Variants in EPHA6 observed in about 807,000 individuals in gnomAD.
EPHA6 encodes the protein EPH receptor A6.
In EPHA6, 50 loss-of-function variants were observed where a neutral mutation model predicts 112.0. The ratio of observed to expected loss-of-function variants is 0.45; its 90% CI spans 0.36 to 0.56. The LOEUF is 0.56. EPHA6 is among the 20% of genes least tolerant of loss of function. The pLI is 0.00. For synonymous variants in EPHA6, 529 were observed against 490.7 expected (o/e 1.08, Z -1.03); for missense variants, 1,280 against 1,417.4 (o/e 0.90, Z 1.56).
At chr3:97,616,749 A>G (rs182552539) in intron 13 of EPHA6, among the ~76,000 whole-genome samples, 11 of 152,206 alleles carry the variant, frequency 7.2e-5, no homozygotes, top group Non-Finnish European at 1.5e-4. Flanking sequence ...ATGAAAATGA[A>G]TAAACAAAAC....
intron 2 of EPHA6, among the ~76,000 whole-genome samples, chr3:96,930,297 C>G (rs540667793): frequency 6.6e-6 from 1 of 152,194 alleles, no homozygotes; most frequent in East Asian, 1.9e-4. Context: ...AAGGGGCACT[C>G]TATATTTTTG....
At chr3:97,242,356 C>T (rs935937093) in intron 4 of EPHA6, among the ~76,000 whole-genome samples, 1 of 151,792 alleles carries the variant, frequency 6.6e-6, no homozygotes, top group African/African-American at 2.4e-5. Context: ...ACAAGAATGG[C>T]ATACTTTCTA....
chr3:96,864,769 G>A (rs577691537), intron 1 of EPHA6, among the ~76,000 whole-genome samples: 3 of 152,094 alleles, frequency 2.0e-5, no homozygotes, highest in African/African-American at 7.2e-5. Context: ...AAACAGGAAT[G>A]CCAACTAACT....
intron 4 of EPHA6, among the ~76,000 whole-genome samples, chr3:97,237,078 G>A (rs1380698984): frequency 1.3e-5 from 2 of 151,870 alleles, no homozygotes; most frequent in Admixed American, 6.6e-5. Flanking sequence ...CAAAAGGACA[G>A]CTGATTGTTT....
At chr3:96,968,140 T>C (rs557533080) in intron 2 of EPHA6, among the ~76,000 whole-genome samples, 5 of 151,966 alleles carry the variant, frequency 3.3e-5, no homozygotes, top group African/African-American at 1.2e-4. Context: ...ACTTATAAAC[T>C]ATTACACTTA....
intron 14 of EPHA6, among the ~76,000 whole-genome samples, chr3:97,689,835 A>G (rs2032534001): frequency 6.6e-6 from 1 of 152,090 alleles, no homozygotes; most frequent in African/African-American, 2.4e-5. Flanking sequence ...CTAGGCAACT[A>G]CAAATCTTTC....
intron 2 of EPHA6, among the ~76,000 whole-genome samples, chr3:96,887,174 A>G (rs930144557): frequency 2.6e-5 from 4 of 152,032 alleles, no homozygotes; most frequent in East Asian, 1.9e-4. Context: ...TTGTTTCTTC[A>G]TATTACTAGG....
chr3:97,601,279 T>C lies in EPHA6; in HGVS notation c.2512+8542T>C, dbSNP rs138031254. On this transcript the variant is annotated intron_variant, in intron 12 of 17. Coordinates refer to ENST00000389672, the MANE Select transcript of EPHA6 (RefSeq NM_001080448.3). The stretch of plus-strand genomic sequence containing the variant: ...TCCATGGCTTGCTAAGTTAGCTGAG[T>C]CTTCATGTAAATCAGTATTTACTAT... 2.6e-3 allele frequency among the ~76,000 whole-genome samples: 400 copies of C among 152,230 alleles called. 1 individual carries two copies. The highest frequency in any genetic ancestry group is 4.3e-3 in the Admixed American group (66 of 15,266).
At chr3:97,344,678 T>C (rs2083454079) in intron 5 of EPHA6, among the ~76,000 whole-genome samples, 1 of 152,170 alleles carries the variant, frequency 6.6e-6, no homozygotes, top group East Asian at 1.9e-4. Flanking sequence ...TGTATATGAG[T>C]TCCCAGTTGT....
At chr3:97,014,210 A>T (rs2044187187) in intron 3 of EPHA6, among the ~76,000 whole-genome samples, 1 of 152,130 alleles carries the variant, frequency 6.6e-6, no homozygotes, top group South Asian at 2.1e-4. Flanking sequence ...TATCCAACTC[A>T]TTCATTCTAA....
chr3:96,834,492 A>C (rs2034280713), intron 1 of EPHA6, among the ~76,000 whole-genome samples: 1 of 152,020 alleles, frequency 6.6e-6, no homozygotes, highest in Admixed American at 6.6e-5. Flanking sequence ...AGTAATGAAA[A>C]GCTCAAGACG....
rs149606567 is a variant in EPHA6, at chr3:97,209,393, G to A, written c.1115-16871G>A. 3.1e-3 allele frequency among the ~76,000 whole-genome samples: 475 copies of A among 152,206 alleles called. 1 individual carries two copies. The highest frequency in any genetic ancestry group is 0.011 in the African/African-American group (441 of 41,536). Reference sequence around the variant, plus strand: ...GAATCAGAGACACCTGGCTTCGAGAGCCTGGCTTGCTTACGTATCATCTCT... The same window carrying A: ...GAATCAGAGACACCTGGCTTCGAGAACCTGGCTTGCTTACGTATCATCTCT... On this transcript the variant is annotated intron_variant, in intron 3 of 17. Coordinates refer to ENST00000389672, the MANE Select transcript of EPHA6 (RefSeq NM_001080448.3).
At chr3:97,339,032 C>T (rs1190319931) in intron 5 of EPHA6, among the ~76,000 whole-genome samples, 1 of 152,172 alleles carries the variant, frequency 6.6e-6, no homozygotes, top group Non-Finnish European at 1.5e-5. Context: ...CTTAAGTCAT[C>T]TCTGCTTAAT....
At chr3:97,451,779 C>T (rs9841845) in intron 7 of EPHA6, among the ~76,000 whole-genome samples, 1 of 150,346 alleles carries the variant, frequency 6.7e-6, no homozygotes, top group Non-Finnish European at 1.5e-5. Flanking sequence ...CCTCCTGGCT[C>T]TTCTTTAAAT....
At chr3:97,548,597 C>T (rs2092989837) in intron 11 of EPHA6, among the ~76,000 whole-genome samples, 1 of 152,168 alleles carries the variant, frequency 6.6e-6, no homozygotes, top group Non-Finnish European at 1.5e-5. Flanking sequence ...TACAGAAGAG[C>T]TCTATTTCAG....
chr3:97,260,247 A>G lies in EPHA6; in HGVS notation c.1606+15960A>G, dbSNP rs184176268. ...GGAAGAATAGCATTTGGGTTGCCCT[A>G]ACAGAGTGTGGAGCCTTGGGATCAT... On this transcript the variant is annotated intron_variant, in intron 5 of 17. Coordinates refer to ENST00000389672, the MANE Select transcript of EPHA6 (RefSeq NM_001080448.3). 8.0e-4 allele frequency among the ~76,000 whole-genome samples: 122 copies of G among 152,340 alleles called. 2 individuals carry two copies. In the South Asian group the frequency reaches 0.018, roughly 22 times the overall value.
At chr3:97,288,134 T>C (rs186353486) in intron 5 of EPHA6, among the ~76,000 whole-genome samples, 57 of 152,222 alleles carry the variant, frequency 3.7e-4, no homozygotes, top group African/African-American at 1.3e-3. Flanking sequence ...GTTTCTTACA[T>C]GGGTATACTG....
Position 97,475,391 on chromosome 3 carries a change from T to A in EPHA6, c.1934T>A (p.Ile645Lys). Residue 645 changes from isoleucine (I) to lysine (K), a missense_variant, in exon 8 of 18, where the codon ATA becomes AAA. Ile to Lys is a moderately radical substitution (Grantham distance 102, BLOSUM62 -3). This residue lies in a region of EPHA6 where 878 missense variants were observed against 999.7 expected (regional missense o/e 0.88). Transcript: ENST00000389672. ...GCAGAACAAGGACAGATTCTCGTGATAGCCACCGCCGCTGTTGGCGGATTC... is the reference window on the plus strand; with the variant it reads ...GCAGAACAAGGACAGATTCTCGTGAAAGCCACCGCCGCTGTTGGCGGATTC... ...MAAEQGQILV[I>K]ATAAVGGFTL... 4 of 1,612,208 alleles carry A rather than the reference T, an allele frequency of 2.5e-6. No homozygotes were observed. Among genetic ancestry groups the A allele is most frequent in the Non-Finnish European group, 3.4e-6 (4 of 1,178,974 alleles).
intron 1 of EPHA6, among the ~76,000 whole-genome samples, chr3:96,844,166 T>G (rs1049491394): frequency 6.6e-6 from 1 of 152,022 alleles, no homozygotes; most frequent in African/African-American, 2.4e-5. Context: ...AGGTTCATCT[T>G]AAATGTTCAT....
Sources: gnomAD v4.1 joint callset for allele counts (sites outside exome capture counted in the v4.1 genomes callset) on GRCh38, gnomAD v4.1.1 for gene constraint, gnomAD v4.1.1 regional missense constraint, MANE v1.5 for transcripts, NCBI Gene and HGNC (gene_info 2026-07-23, HGNC 2026-07-21) for gene names.